PARVB: variants seen among roughly 807,000 people sequenced by gnomAD.
The protein encoded by PARVB is beta-parvin.
A neutral mutation model predicts 47.0 loss-of-function variants in PARVB; 46 were observed. The ratio of observed to expected loss-of-function variants is 0.98; its 90% confidence interval spans 0.77 to 1.25. PARVB has a LOEUF of 1.25. Among genes scored for constraint, PARVB ranks in the 50% most tolerant of loss-of-function variants. PARVB has a pLI of 0.00. For synonymous variants in PARVB, 196 were observed against 196.3 expected, an observed-to-expected ratio of 1.00 and a Z score of 0.01; for missense variants, 473 against 471.6, an observed-to-expected ratio of 1.00 and a Z score of -0.03.
At chr22:44,161,980 G>A (rs2147179607) in intron 11 of PARVB, among the ~76,000 whole-genome samples, 1 of 152,292 alleles carries the variant, frequency 6.6e-6, no homozygotes, top group South Asian at 2.1e-4. Context: ...GGCCTCTGGA[G>A]CAGGGTCTCC....
Position 44,119,074 on chromosome 22 carries a change from G to A in PARVB, c.310G>A (p.Glu104Lys). 1 of 1,614,160 alleles carries A rather than the reference G, an allele frequency of 6.2e-7. No homozygotes were observed. The highest frequency in any genetic ancestry group is 1.1e-5 in the South Asian group (1 of 91,080). Residue 104 changes from glutamate (E) to lysine (K), a missense_variant, in exon 4 of 13, where the codon GAG (glutamate) becomes AAG (lysine). Glu to Lys is a moderately conservative substitution (Grantham distance 56). Transcript: ENST00000338758. ...LDWINDVLVE[E>K]RIIVKQLEED... ...CTGGATTAATGACGTGCTGGTGGAG[G>A]AGAGGATCATTGTGAAGCAGCTGGA...
At position 44,170,939 on chromosome 22, in the gene PARVB, G is replaced by A. The variant is rs2054261860; in HGVS notation, c.*2261G>A. Reference sequence around the variant, plus strand: ...TTCCGGCTGTTGCTAGGCTGGGGATGGGTTCAGAATAGCCATTTTGATGGA... The same window carrying A: ...TTCCGGCTGTTGCTAGGCTGGGGATAGGTTCAGAATAGCCATTTTGATGGA... On this transcript the variant is annotated 3_prime_UTR_variant, in exon 13 of 13. Coordinates refer to ENST00000338758, the MANE Select transcript of PARVB (RefSeq NM_013327.5). The A allele has an allele frequency of 6.6e-6, 1 of 152,254 alleles. No homozygotes were observed. Among genetic ancestry groups the A allele is most frequent in the Non-Finnish European group, 1.5e-5 (1 of 68,052 alleles). The allele number at this position is 152,254 out of a possible 1,614,324, so 9.4% of individuals were successfully genotyped here.
intron 1 of PARVB, among the ~76,000 whole-genome samples, chr22:44,050,137 C>T (rs551146457): frequency 9.2e-5 from 14 of 152,278 alleles, no homozygotes; most frequent in South Asian, 8.3e-4. Context: ...GTCTCGTTGG[C>T]GGCTCTCCTG....
intron 1 of PARVB, among the ~76,000 whole-genome samples, chr22:44,034,519 G>T (rs1318030801): frequency 3.3e-5 from 5 of 151,806 alleles, no homozygotes; most frequent in African/African-American, 1.2e-4. Context: ...TTAGCCTCCT[G>T]AGTAGCTGAA....
At chr22:44,135,999 A>C (rs1172092866) in intron 6 of PARVB, among the ~76,000 whole-genome samples, 1 of 152,140 alleles carries the variant, frequency 6.6e-6, no homozygotes, top group Non-Finnish European at 1.5e-5. Context: ...CTTATTTCCA[A>C]ATGAGATCAT....
In PARVB at chr22:44,000,981, GC is replaced by G. The variant is rs537732172; in HGVS notation, c.211+1311del. ...AGATCACATTTGGCCAGGTGCGGTG[GC>G]CCATGCCTGTAATCCCAGCACTTTG... On this transcript the variant is annotated intron_variant, in intron 2 of 13. Coordinates refer to the PARVB transcript ENST00000406477. Among the ~76,000 whole-genome samples, 339 of 152,376 alleles carry G rather than the reference GC, an allele frequency of 2.2e-3. 1 individual carries two copies. The highest frequency in any genetic ancestry group is 3.3e-3 in the Non-Finnish European group (224 of 68,038).
At chr22:44,005,413 G>GTT (rs35410688) in intron 2 of PARVB, among the ~76,000 whole-genome samples, 1 of 143,312 alleles carries the variant, frequency 7.0e-6, no homozygotes, top group Non-Finnish European at 1.5e-5. Flanking sequence ...ACGCCTGGCC[G>GTT]TTTTTTTTTT....
intron 9 of PARVB, chr22:44,149,418 C>G (rs1167130293): frequency 6.6e-6 from 1 of 152,196 alleles, no homozygotes; most frequent in Non-Finnish European, 1.5e-5. Context: ...CTCTGTGCCC[C>G]AGAATGAAGT....
At chr22:44,061,227 G>A (rs964210885) in intron 1 of PARVB, among the ~76,000 whole-genome samples, 7 of 152,120 alleles carry the variant, frequency 4.6e-5, no homozygotes, top group African/African-American at 9.7e-5. Context: ...TCAGGAGTTC[G>A]AGACCAGCCT....
At chr22:44,006,684 T>C (rs1325024493) in intron 2 of PARVB, among the ~76,000 whole-genome samples, 1 of 151,862 alleles carries the variant, frequency 6.6e-6, no homozygotes, top group Non-Finnish European at 1.5e-5. Flanking sequence ...CACCCTGTGG[T>C]TTTGCAAGAT....
intron 8 of PARVB, 33 bp downstream of exon 8, chr22:44,140,176 G>T (rs2053523977): frequency 1.2e-6 from 2 of 1,609,836 alleles, no homozygotes; most frequent in Non-Finnish European, 1.7e-6. Flanking sequence ...GGGAGATGGA[G>T]GCATGTTAGG....
intron 2 of PARVB, among the ~76,000 whole-genome samples, chr22:44,096,039 C>A (rs1281874362): frequency 6.6e-6 from 1 of 152,174 alleles, no homozygotes; most frequent in African/African-American, 2.4e-5. Flanking sequence ...GCCTGGCCAA[C>A]ATGGCAAAAC....
At chr22:44,034,669 G>C (rs1445257766) in intron 1 of PARVB, among the ~76,000 whole-genome samples, 3 of 117,984 alleles carry the variant, frequency 2.5e-5, no homozygotes, top group Non-Finnish European at 6.0e-5. Context: ...GGGGGAAAGA[G>C]GCACTGACCC....
Position 44,103,684 on chromosome 22 carries a change from G to T in PARVB, c.273+3561G>T, listed in dbSNP as rs2052502931. 2.0e-5 allele frequency: 3 copies of T among 152,236 alleles called. No individual in the cohort carries two copies. Among genetic ancestry groups the T allele is most frequent in the African/African-American group, 7.2e-5 (3 of 41,454 alleles). The allele number at this position is 152,236 out of a possible 1,614,324, so 9.4% of individuals were successfully genotyped here. The stretch of plus-strand genomic sequence containing the variant: ...AGGCGGGCCCAGTGTGTTCGCTAGT[G>T]TCTGTATAAGAGGGACATGGGGAGC... On this transcript the variant is annotated intron_variant, in intron 3 of 12. Transcript: ENST00000338758. This position sits in a 1 kb window ranked among gnomAD's most constrained non-coding sequence, Gnocchi z 4.6.
intron 3 of PARVB, chr22:44,106,972 G>A (rs1375884955): frequency 2.0e-5 from 3 of 152,256 alleles, no homozygotes; most frequent in African/African-American, 2.4e-5. Flanking sequence ...TCAGATTAAA[G>A]TGGGAGAATA....
chr22:44,052,134 C>T (rs2051221346), intron 1 of PARVB, among the ~76,000 whole-genome samples: 1 of 152,176 alleles, frequency 6.6e-6, no homozygotes, highest in Non-Finnish European at 1.5e-5. Flanking sequence ...CCACAGGATG[C>T]GAATACAGTC....
At chr22:44,084,478 C>T (rs1490791616) in intron 1 of PARVB, among the ~76,000 whole-genome samples, 1 of 152,206 alleles carries the variant, frequency 6.6e-6, no homozygotes, top group African/African-American at 2.4e-5. Flanking sequence ...CTTGCAGGGG[C>T]CAAGGTGGCC....
chr22:44,148,071 C>G lies in PARVB; in HGVS notation c.774+149C>G, dbSNP rs1319116812. ...TTGAAATGTAATTACAGTCAAAAAC[C>G]TAACCACAGTGCATAAAATCAGCGC... On this transcript the variant is annotated intron_variant, in intron 9 of 12. Coordinates refer to ENST00000338758, the MANE Select transcript of PARVB (RefSeq NM_013327.5). The G allele has an allele frequency of 1.0e-5, 7 of 694,384 alleles. No individual in the cohort carries two copies. The Admixed American group carries it at 1.5e-4, about 15-fold the overall frequency. 43.0% of individuals were successfully genotyped at this position (694,384 alleles called of 1,614,324 possible).
At position 44,115,171 on chromosome 22, in the gene PARVB, C is replaced by G. The variant is rs1403674286; in HGVS notation, c.274-3867C>G. On this transcript the variant is annotated intron_variant, in intron 3 of 12. Coordinates refer to ENST00000338758, the MANE Select transcript of PARVB (RefSeq NM_013327.5). ...CACTGTTACTAACTAAGGCCCTGTA[C>G]CAACACAGATACTTTGTTACTAAGT... 1.2e-4 allele frequency: 9 copies of G among 72,450 alleles called. 4 individuals are homozygous for G. The highest frequency in any genetic ancestry group is 5.2e-4 in the African/African-American group (7 of 13,462). The allele number at this position is 72,450 out of a possible 1,614,324, so 4.5% of individuals were successfully genotyped here. A position where few individuals can be genotyped will look rare whatever the true frequency, so the allele number is the denominator to read the frequency against.
Sources: gnomAD v4.1 joint callset for allele counts (sites outside exome capture counted in the v4.1 genomes callset) on GRCh38, gnomAD v4.1.1 for gene constraint, Gnocchi (gnomAD v3.1) non-coding constraint, MANE v1.5 for transcripts, NCBI Gene and HGNC (gene_info 2026-07-23, HGNC 2026-07-21) for gene names.